CD200: variants seen among roughly 807,000 people sequenced by gnomAD.
The protein encoded by CD200 is OX-2 membrane glycoprotein.
Under a neutral mutation model 30.9 loss-of-function variants are expected in CD200, and 15 were observed. The observed-to-expected ratio is 0.49, with a 90% CI of 0.32 to 0.75. The LOEUF (loss-of-function observed/expected upper bound fraction) is 0.75. Ranked by LOEUF, CD200 falls within the 30% of genes least tolerant of loss-of-function variation. The pLI is 0.03. For missense variants in CD200, 262 were observed against 324.2 expected, an observed-to-expected ratio of 0.81 and a Z score of 1.47; for synonymous variants, 134 against 126.2, an observed-to-expected ratio of 1.06 and a Z score of -0.41.
At chr3:112,335,663 G>A (rs543413017) in intron 1 of CD200, among the ~76,000 whole-genome samples, 1 of 151,932 alleles carries the variant, frequency 6.6e-6, no homozygotes, top group Non-Finnish European at 1.5e-5. Flanking sequence ...ACAGGGCGGC[G>A]AGACATCATT....
intron 5 of CD200, among the ~76,000 whole-genome samples, chr3:112,354,774 TG>T (rs2081595747): frequency 6.6e-6 from 1 of 152,236 alleles, no homozygotes; most frequent in South Asian, 2.1e-4. Flanking sequence ...TAAAACAAGG[TG>T]TCTGCAGGGA....
At chr3:112,338,811 C>T (rs1257318206) in intron 1 of CD200, among the ~76,000 whole-genome samples, 2 of 152,098 alleles carry the variant, frequency 1.3e-5, no homozygotes, top group African/African-American at 4.8e-5. Flanking sequence ...GACGATGTGT[C>T]AAAATTTTTA....
At chr3:112,343,994 A>C (rs897438192) in intron 2 of CD200, among the ~76,000 whole-genome samples, 8 of 151,956 alleles carry the variant, frequency 5.3e-5, no homozygotes, top group Non-Finnish European at 1.2e-4. Flanking sequence ...GCCTGTTCTT[A>C]CTTTTTACTA....
chr3:112,351,743 G>T (rs2081535470), intron 5 of CD200, among the ~76,000 whole-genome samples: 1 of 152,202 alleles, frequency 6.6e-6, no homozygotes. Flanking sequence ...CTGAGGCTGG[G>T]TAATTCATAA....
At chr3:112,333,319 C>G (rs1173543176) in intron 1 of CD200, 95 bp downstream of exon 1, 2 of 1,491,788 alleles carry the variant, frequency 1.3e-6, no homozygotes, top group Non-Finnish European at 1.8e-6. Context: ...CGCGGAGCTT[C>G]GGCTCTTGCC....
At chr3:112,360,090 G>A (rs776145019) in intron 5 of CD200, among the ~76,000 whole-genome samples, 3 of 152,198 alleles carry the variant, frequency 2.0e-5, no homozygotes, top group Non-Finnish European at 4.4e-5. Flanking sequence ...CACTTTGGGA[G>A]GCTGAGGCAG....
intron 5 of CD200, among the ~76,000 whole-genome samples, chr3:112,355,487 C>T (rs1416185919): frequency 1.3e-5 from 2 of 152,118 alleles, no homozygotes; most frequent in African/African-American, 2.4e-5. Flanking sequence ...TTGTCTTCGT[C>T]ATAAGCATCC....
intron 2 of CD200, among the ~76,000 whole-genome samples, chr3:112,343,697 T>C (rs1289155139): frequency 1.3e-5 from 2 of 152,236 alleles, no homozygotes; most frequent in African/African-American, 4.8e-5. Context: ...ATTTAAATTT[T>C]TTCTTTGTAA....
At chr3:112,334,040 C>T (rs1028710941) in intron 1 of CD200, 1 of 985,234 alleles carries the variant, frequency 1.0e-6, no homozygotes, top group Non-Finnish European at 1.2e-6. Context: ...GACCACATAG[C>T]CAATGATTTC....
chr3:112,357,697 A>G (rs151166426), intron 5 of CD200, among the ~76,000 whole-genome samples: 213 of 152,282 alleles, frequency 1.4e-3, no homozygotes, highest in African/African-American at 4.9e-3. Flanking sequence ...CGTATTTGGA[A>G]GGGAGAAGAA....
chr3:112,360,840 A>G (rs2081726825), intron 5 of CD200, among the ~76,000 whole-genome samples: 1 of 152,210 alleles, frequency 6.6e-6, no homozygotes, highest in East Asian at 1.9e-4. Context: ...CTACTTCGTG[A>G]CCATTTCTAC....
chr3:112,341,332 A>G (rs1368145431), intron 2 of CD200, among the ~76,000 whole-genome samples: 3 of 152,232 alleles, frequency 2.0e-5, no homozygotes, highest in Non-Finnish European at 2.9e-5. Flanking sequence ...TCTTTTTGGA[A>G]AGTAATCTGG....
At chr3:112,359,745 A>AG (rs895181432) in intron 5 of CD200, among the ~76,000 whole-genome samples, 2 of 152,230 alleles carry the variant, frequency 1.3e-5, no homozygotes, top group Non-Finnish European at 2.9e-5. Flanking sequence ...ATGACAGGTT[A>AG]GGGGGACAGC....
intron 5 of CD200, 158 bp downstream of exon 5, chr3:112,349,977 T>C: frequency 1.0e-6 from 1 of 985,018 alleles, no homozygotes; most frequent in South Asian, 4.7e-5. Context: ...TTAAAATGCG[T>C]CGGGGCATTT....
chr3:112,345,933 T>A (rs914616244), intron 3 of CD200, among the ~76,000 whole-genome samples: 1 of 152,164 alleles, frequency 6.6e-6, no homozygotes, highest in Admixed American at 6.5e-5. Flanking sequence ...ACAGCTGAGA[T>A]GAAAGGTTAC....
In CD200 at chr3:112,340,994, T is replaced by G. The variant is rs369349811; in HGVS notation, c.94+11T>G. On this transcript the variant is annotated intron_variant, in intron 2 of 5. Transcript: ENST00000315711. The stretch of plus-strand genomic sequence containing the variant: ...TGTGCACAGCACAAGGTAAAGAAAC[T>G]CAATTCCCCTGCTTGGAGCCCAGCA... The G allele has an allele frequency of 1.4e-4, 222 of 1,573,696 alleles. No individual in the cohort carries two copies. In the African/African-American group the frequency reaches 2.6e-3, roughly 18 times the overall value.
intron 5 of CD200, among the ~76,000 whole-genome samples, chr3:112,359,763 T>C (rs1299399120): frequency 1.3e-5 from 2 of 152,092 alleles, no homozygotes. Flanking sequence ...AGCAGAGAAA[T>C]GACAAGTGAA....
At chr3:112,337,574 A>G (rs1444863346) in intron 1 of CD200, among the ~76,000 whole-genome samples, 6 of 152,240 alleles carry the variant, frequency 3.9e-5, no homozygotes, top group Non-Finnish European at 8.8e-5. Flanking sequence ...AGAAGATGGC[A>G]TCTTGTACAA....
chr3:112,335,850 A>C, intron 1 of CD200: 1 of 890,018 alleles, frequency 1.1e-6, no homozygotes, highest in Non-Finnish European at 1.9e-6. Context: ...GGTGCTCAAC[A>C]CACACAACCA....
Sources: allele counts gnomAD v4.1 joint callset (sites outside exome capture counted in the v4.1 genomes callset), GRCh38; gene constraint gnomAD v4.1.1; transcripts MANE v1.5; gene names NCBI Gene and HGNC (gene_info 2026-07-23, HGNC 2026-07-21).